The following SUSD2 variants were observed in gnomAD, a reference collection of about 807,000 sequenced individuals.
SUSD2 encodes sushi domain-containing protein 2.
SUSD2 carries 86 observed loss-of-function variants against 93.8 expected under a neutral mutation model. The ratio of observed to expected loss-of-function variants is 0.92; its 90% confidence interval spans 0.77 to 1.10. SUSD2 has a LOEUF of 1.10. Ranked by LOEUF, SUSD2 falls within the 50% of genes least tolerant of loss-of-function variation. The probability of loss-of-function intolerance (pLI) is 0.00; values close to 1 mark genes in which losing one functional copy is unlikely to be tolerated. For missense variants in SUSD2, 1,060 were observed against 1,137.0 expected (o/e 0.93, Z 0.97); for synonymous variants, 483 against 485.0 (o/e 1.00, Z 0.05).
At position 24,187,606 on chromosome 22, in the gene SUSD2, G is replaced by A. The variant is rs114116915; in HGVS notation, c.1927G>A (p.Asp643Asn). 158 of 1,613,770 alleles carry A rather than the reference G, an allele frequency of 9.8e-5. 1 individual carries two copies. The highest frequency in any genetic ancestry group is 5.9e-4 in the South Asian group (54 of 91,082). ...VHNASSLLTY[D>N]SWFLVHNFLY... Reference sequence around the variant, plus strand: ...CAATGCGTCCTCCCTGCTCACCTACGATTCCTGGTTCCTGGTCCACAACTT... The same window carrying A: ...CAATGCGTCCTCCCTGCTCACCTACAATTCCTGGTTCCTGGTCCACAACTT... The change falls in exon 12 of 15, where the codon GAT becomes AAT. Residue 643 changes from aspartate to asparagine, a missense_variant. Asp to Asn is a conservative substitution (Grantham distance 23, BLOSUM62 1). Transcript: ENST00000358321.
Position 24,185,720 on chromosome 22 carries a change from C to A in SUSD2, c.1130C>A (p.Thr377Lys), listed in dbSNP as rs757168250. 1.2e-6 allele frequency: 2 copies of A among 1,610,644 alleles called. No individual in the cohort carries two copies. Among genetic ancestry groups the A allele is most frequent in the Admixed American group, 3.3e-5 (2 of 59,852 alleles). The change falls in exon 8 of 15, where the codon ACA becomes AAA. Residue 377 changes from threonine (T) to lysine (K), a missense_variant. By Grantham distance (78) the Thr-to-Lys change is moderately conservative (BLOSUM62 -1). Transcript: ENST00000358321. ...CYTADGTQLL[T>K]ADSSGGSTPD... ...ACAGCGGACGGGACGCAGCTCCTGA[C>A]AGCTGACTCCAGCGGCGGCAGCACT...
chr22:24,187,535 C>T (rs980935542), intron 11 of SUSD2, 36 bp from the exon 12 acceptor site: 1 of 1,601,224 alleles, frequency 6.2e-7, no homozygotes, highest in Non-Finnish European at 8.5e-7. Context: ...CCAAAGGGAG[C>T]CATGCCCAGC....
At chr22:24,183,365 G>A (rs1327157141) in intron 2 of SUSD2, 98 bp downstream of exon 2, 12 of 1,532,404 alleles carry the variant, frequency 7.8e-6, no homozygotes, top group South Asian at 2.4e-5. Flanking sequence ...GGAGCCCCTC[G>A]GACCCAGGAC....
At chr22:24,184,548 G>C (rs540934036) in intron 4 of SUSD2, among the ~76,000 whole-genome samples, 1 of 152,020 alleles carries the variant, frequency 6.6e-6, no homozygotes, top group African/African-American at 2.4e-5. Flanking sequence ...ACCCCTGCAC[G>C]GCTGGCATGG....
At chr22:24,182,408 C>T (rs1430789149) in intron 1 of SUSD2, among the ~76,000 whole-genome samples, 1 of 152,168 alleles carries the variant, frequency 6.6e-6, no homozygotes, top group Non-Finnish European at 1.5e-5. Context: ...GGGACCCCTG[C>T]TTGAAATGTC....
In SUSD2 at chr22:24,181,582, C is replaced by G. The variant is rs781682671; in HGVS notation, c.63C>G (p.Pro21=). The part of the protein sequence containing the change: ...LLLATALGPG[P]GPTADAQESC... ...TGGCGACAGCCCTCGGCCCGGGCCCCGGACCCACAGCAGGTATGCCTCCCT... is the reference window on the plus strand; with the variant it reads ...TGGCGACAGCCCTCGGCCCGGGCCCGGGACCCACAGCAGGTATGCCTCCCT... Residue 21 remains proline (P), a synonymous_variant, in exon 1 of 15, where the codon CCC becomes CCG. Coordinates refer to ENST00000358321, the MANE Select transcript of SUSD2 (RefSeq NM_019601.4). 7 of 1,598,860 alleles carry G rather than the reference C, an allele frequency of 4.4e-6. No homozygotes were observed. Among genetic ancestry groups the G allele is most frequent in the South Asian group, 2.3e-5 (2 of 88,644 alleles).
At position 24,185,885 on chromosome 22, in the gene SUSD2, G is replaced by A. The variant is rs115651286; in HGVS notation, c.1295G>A (p.Arg432Gln). The part of the protein sequence containing the change: ...WAPDCPRYMQ[R>Q]RPSNDCRNYR... ...CCCGACTGCCCCCGCTACATGCAAC[G>A]GCGGCCCTCCAATGACTGCCGCAAC... The change falls in exon 8 of 15, where the codon CGG becomes CAG. Residue 432 changes from arginine (R) to glutamine (Q), a missense_variant. Physicochemically the swap from Arg to Gln is conservative, Grantham distance 43. Around this residue, in one of 2 missense-constraint regions of SUSD2, gnomAD observed 973 missense variants for 1,005.3 expected, o/e 0.97. Coordinates refer to ENST00000358321, the MANE Select transcript of SUSD2 (RefSeq NM_019601.4). The A allele has an allele frequency of 2.1e-5, 34 of 1,585,052 alleles. No homozygotes were observed. Among genetic ancestry groups the A allele is most frequent in the East Asian group, 6.9e-5 (3 of 43,404 alleles).
Position 24,185,493 on chromosome 22 carries a change from A to G in SUSD2, c.992A>G (p.Tyr331Cys), listed in dbSNP as rs750055100. 14 of 1,563,950 alleles carry G rather than the reference A, an allele frequency of 9.0e-6. No homozygotes were observed. The highest frequency in any genetic ancestry group is 2.7e-5 in the African/African-American group (2 of 73,686). The change falls in exon 7 of 15, where the codon TAC (tyrosine) becomes TGC (cysteine). Residue 331 changes from tyrosine to cysteine, a missense_variant. Physicochemically the swap from Tyr to Cys is radical, Grantham distance 194 (BLOSUM62 -2). Coordinates refer to ENST00000358321, the MANE Select transcript of SUSD2 (RefSeq NM_019601.4). The stretch of plus-strand genomic sequence containing the variant: ...CCACCTGCTGCTCTGCAGACGGACT[A>G]CGGCTGTGACATGGAGCAGGGCAGC... ...RADSGRFFTD[Y>C]GCDMEQGSVC...
At chr22:24,187,864 G>T (rs1346537647) in intron 12 of SUSD2, 21 bp downstream of exon 12, 1 of 1,604,960 alleles carries the variant, frequency 6.2e-7, no homozygotes, top group Admixed American at 1.7e-5. Context: ...GCAGGTGGGG[G>T]TGGGCGGGGA....
rs115131208 is a variant in SUSD2, at chr22:24,187,416, C to T, written c.1857C>T (p.Thr619=). 8.2e-5 allele frequency: 132 copies of T among 1,613,494 alleles called. No homozygotes were observed. In the African/African-American group the frequency reaches 1.4e-3, roughly 17 times the overall value. The change falls in exon 11 of 15, where the codon ACC becomes ACT. Residue 619 remains threonine, a synonymous_variant. Coordinates refer to ENST00000358321, the MANE Select transcript of SUSD2 (RefSeq NM_019601.4). ...LHSGRVLPPG[T]SPQELFLFGA... is the part of the protein sequence containing the mutation. ...GCGGGCGCGTCCTGCCCCCAGGCAC[C>T]AGTCCCCAGGAGCTGTTCCTGTTTG...
In SUSD2 at chr22:24,185,184, T is replaced by C; in HGVS notation, c.873T>C (p.Thr291=). 6.2e-7 allele frequency: 1 copy of C among 1,612,038 alleles called. No homozygotes were observed. Among genetic ancestry groups the C allele is most frequent in the Non-Finnish European group, 8.5e-7 (1 of 1,179,800 alleles). Residue 291 remains threonine (T), a synonymous_variant, in exon 6 of 15, where the codon ACT becomes ACC. Coordinates refer to ENST00000358321, the MANE Select transcript of SUSD2 (RefSeq NM_019601.4). ...AGGACCCTGTGGCCTGGGCACGAAC[T>C]CAGTGCCAGGCCTGGGAGGAGCTGG... ...FREDPVAWAR[T]QCQAWEELED...
rs1292681617 is a variant in SUSD2 at position 24,185,896 on chromosome 22, A to T, written c.1306A>T (p.Asn436Tyr). 8 of 1,578,648 alleles carry T rather than the reference A, an allele frequency of 5.1e-6. No homozygotes were observed. The Admixed American group carries it at 7.0e-5, about 14-fold the overall frequency. Residue 436 changes from asparagine to tyrosine, a missense_variant, in exon 8 of 15, where the codon AAT (asparagine) becomes TAT (tyrosine). Coordinates refer to ENST00000358321, the MANE Select transcript of SUSD2 (RefSeq NM_019601.4). ...CCGCTACATGCAACGGCGGCCCTCCAATGACTGCCGCAACTACCGGCCCCC... is the reference window on the plus strand; with the variant it reads ...CCGCTACATGCAACGGCGGCCCTCCTATGACTGCCGCAACTACCGGCCCCC... The part of the protein sequence containing the change: ...CPRYMQRRPS[N>Y]DCRNYRPPRL...
chr22:24,185,685 G>C lies in SUSD2; in HGVS notation c.1095G>C (p.Gln365His). ...QASLRYGSGQQCCYTADGTQL... is the reference protein window; with the variant it reads ...QASLRYGSGQHCCYTADGTQL... ...GCCTCCGGTACGGCTCAGGTCAGCA[G>C]TGCTGCTACACAGCGGACGGGACGC... is the stretch of plus-strand genomic sequence containing the variant. Residue 365 changes from glutamine (Q) to histidine (H), a missense_variant, in exon 8 of 15, where the codon CAG becomes CAC. By Grantham distance (24) the Gln-to-His change is conservative (BLOSUM62 0). This residue lies in a region of SUSD2 where 973 missense variants were observed against 1,005.3 expected (regional missense o/e 0.97). Transcript: ENST00000358321. The C allele has an allele frequency of 6.2e-7, 1 of 1,610,920 alleles. No homozygotes were observed. The highest frequency in any genetic ancestry group is 8.5e-7 in the Non-Finnish European group (1 of 1,179,238).
Position 24,185,876 on chromosome 22 carries a change from A to G in SUSD2, c.1286A>G (p.Tyr429Cys). 2 of 1,591,812 alleles carry G rather than the reference A, an allele frequency of 1.3e-6. No homozygotes were observed. Among genetic ancestry groups the G allele is most frequent in the East Asian group, 2.3e-5 (1 of 43,704 alleles). The change falls in exon 8 of 15, where the codon TAC (tyrosine) becomes TGC (cysteine). Residue 429 changes from tyrosine (Y) to cysteine (C), a missense_variant. Around this residue, in one of 2 missense-constraint regions of SUSD2, gnomAD observed 973 missense variants for 1,005.3 expected, o/e 0.97. Transcript: ENST00000358321. ...CTCTGGGCACCCGACTGCCCCCGCT[A>G]CATGCAACGGCGGCCCTCCAATGAC... ...CCLWAPDCPR[Y>C]MQRRPSNDCR...
Position 24,187,696 on chromosome 22 carries a change from C to G in SUSD2, c.2017C>G (p.Pro673Ala). ...PLFPSETTLNPSLAQEAAKLC... is the reference protein window; with the variant it reads ...PLFPSETTLNASLAQEAAKLC... ...CTTCCCCAGTGAGACCACCCTCAACCCCAGCCTGGCACAAGAGGCAGCCAA... is the reference window on the plus strand; with the variant it reads ...CTTCCCCAGTGAGACCACCCTCAACGCCAGCCTGGCACAAGAGGCAGCCAA... Residue 673 changes from proline (P) to alanine (A), a missense_variant, in exon 12 of 15, where the codon CCC (proline) becomes GCC (alanine). Physicochemically the swap from Pro to Ala is conservative, Grantham distance 27 (BLOSUM62 -1). Coordinates refer to ENST00000358321, the MANE Select transcript of SUSD2 (RefSeq NM_019601.4). The G allele has an allele frequency of 1.2e-6, 2 of 1,614,132 alleles. No homozygotes were observed.
Position 24,183,567 on chromosome 22 carries a change from CTA to C in SUSD2, c.362_363del (p.Tyr121Ter). 1.2e-6 allele frequency: 2 copies of C among 1,613,502 alleles called. No individual in the cohort carries two copies. Among genetic ancestry groups the C allele is most frequent in the Non-Finnish European group, 1.7e-6 (2 of 1,180,014 alleles). On this transcript the variant is annotated frameshift_variant, in exon 3 of 15. Transcript: ENST00000358321. LOFTEE classifies it high-confidence loss of function. ...AAGTGCACTGTGTGTCACCTCTGCT[CTA>C]TGAGAGCGGCCGCATCCCCTTCACT... ...GQVHCVSPLL[Y>X]ESGRIPFTVS... is the part of the protein sequence containing the mutation.
chr22:24,181,853 TCC>T (rs1027766031), intron 1 of SUSD2, among the ~76,000 whole-genome samples: 1 of 152,116 alleles, frequency 6.6e-6, no homozygotes, highest in African/African-American at 2.4e-5. Flanking sequence ...TCCGCCTGTG[TCC>T]CCAGCCCTGA....
intron 6 of SUSD2, 60 bp from the exon 7 acceptor site, chr22:24,185,426 C>T (rs2047355274): frequency 1.3e-6 from 2 of 1,539,894 alleles, no homozygotes; most frequent in Non-Finnish European, 1.8e-6. Context: ...CAGGGTTGGC[C>T]TCAGGGAGGG....
rs1361053223 is a variant in SUSD2 at position 24,185,477 on chromosome 22, G to T, written c.985-9G>T. 1.9e-6 allele frequency: 3 copies of T among 1,557,464 alleles called. No individual in the cohort carries two copies. The highest frequency in any genetic ancestry group is 1.9e-5 in the Admixed American group (1 of 51,682). On this transcript the variant is annotated splice_polypyrimidine_tract_variant and intron_variant, in intron 6 of 14. Transcript: ENST00000358321. ...GGCCACTGGGTGACAGCCACCTGCT[G>T]CTCTGCAGACGGACTACGGCTGTGA...
Sources: allele counts gnomAD v4.1 joint callset (sites outside exome capture counted in the v4.1 genomes callset), GRCh38; gene constraint gnomAD v4.1.1; regional missense constraint gnomAD v4.1.1; transcripts MANE v1.5; gene names NCBI Gene and HGNC (gene_info 2026-07-23, HGNC 2026-07-21).